Variants in MYT1 observed in about 807,000 individuals in gnomAD.
MYT1 encodes the protein myelin transcription factor I.
MYT1 carries 23 observed loss-of-function variants against 123.0 expected under a neutral mutation model. That is an observed-to-expected ratio of 0.19 (90% confidence interval 0.13 to 0.26). The LOEUF (loss-of-function observed/expected upper bound fraction) is 0.26, where lower values mean the gene tolerates loss of function less well. MYT1 is among the 10% of genes least tolerant of loss of function. MYT1 has a pLI of 1.00. For synonymous variants in MYT1, 518 were observed against 575.3 expected (o/e 0.90, Z 1.43); for missense variants, 1,125 against 1,472.5 (o/e 0.76, Z 3.86).
chr20:64,170,630 C>T (rs1247857304), intron 1 of MYT1, among the ~76,000 whole-genome samples: 1 of 151,738 alleles, frequency 6.6e-6, no homozygotes, highest in East Asian at 1.9e-4. Context: ...TATTACTGCA[C>T]ATTAAAGAGG....
intron 14 of MYT1, among the ~76,000 whole-genome samples, chr20:64,222,282 TC>T (rs1418027567): frequency 6.6e-6 from 1 of 152,096 alleles, no homozygotes; most frequent in East Asian, 1.9e-4. Flanking sequence ...AACAAAGAAA[TC>T]CCCTGGCCAA....
intron 7 of MYT1, 65 bp from the exon 8 acceptor site, chr20:64,211,141 C>T (rs1184042389): frequency 5.1e-6 from 8 of 1,553,532 alleles, no homozygotes; most frequent in Non-Finnish European, 7.0e-6. Context: ...CCTGAGCTAC[C>T]CCTGCCCCCT....
rs1471747739 is a variant in MYT1 at position 64,211,296 on chromosome 20, G to A, written c.1382G>A (p.Arg461His). 2 of 1,613,920 alleles carry A rather than the reference G, an allele frequency of 1.2e-6. No homozygotes were observed. The highest frequency in any genetic ancestry group is 2.2e-5 in the East Asian group (1 of 44,884). ...GHVTGLYPHHRSLSGCPHKDR... is the reference protein window; with the variant it reads ...GHVTGLYPHHHSLSGCPHKDR... ...GTTACCGGGTTGTACCCTCACCACC[G>A]CAGCCTTTCTGGCTGTCCCCACAAG... Residue 461 changes from arginine to histidine, a missense_variant, in exon 8 of 23, where the codon CGC (arginine) becomes CAC (histidine). Around this residue, in one of 4 missense-constraint regions of MYT1, gnomAD observed 429 missense variants for 604.1 expected, o/e 0.71. Transcript: ENST00000328439.
Position 64,193,274 on chromosome 20 carries a change from T to C in MYT1, c.-1+3114T>C, listed in dbSNP as rs1983016060. Among the ~76,000 whole-genome samples, 3 of 152,104 alleles carry C rather than the reference T, an allele frequency of 2.0e-5. No individual in the cohort carries two copies. In the South Asian group the frequency reaches 6.2e-4, roughly 32 times the overall value. On this transcript the variant is annotated intron_variant, in intron 2 of 22. Transcript: ENST00000328439. This position sits in a 1 kb window ranked among gnomAD's most constrained non-coding sequence, Gnocchi z 4.0. ...TCAAGAGAGTGGAAAGCAGGATGTG[T>C]GCTGAGGTCACCGACTTTCTATATC...
intron 11 of MYT1, 149 bp downstream of exon 11, chr20:64,217,430 T>A (rs1983872514): frequency 1.2e-6 from 1 of 846,786 alleles, no homozygotes; most frequent in Non-Finnish European, 1.9e-6. Flanking sequence ...AGGCTGGAGG[T>A]CTCAGCTGTC....
chr20:64,236,097 C>G (rs377182982), intron 19 of MYT1, among the ~76,000 whole-genome samples: 2 of 39,226 alleles, frequency 5.1e-5, no homozygotes, highest in Non-Finnish European at 9.1e-5. Flanking sequence ...CTGGGATGGC[C>G]GTGGTGGGTG....
rs1418972832 is a variant in MYT1 at position 64,193,432 on chromosome 20, A to G, written c.-1+3272A>G. 6.6e-6 allele frequency among the ~76,000 whole-genome samples: 1 copy of G among 152,134 alleles called. No individual in the cohort carries two copies. The highest frequency in any genetic ancestry group is 1.5e-5 in the Non-Finnish European group (1 of 68,022). On this transcript the variant is annotated intron_variant, in intron 2 of 22. Transcript: ENST00000328439. The surrounding 1 kb of genome is among the most constrained non-coding windows in gnomAD (Gnocchi z 4.0). ...ACAAATGCTTGAATGCTGCTCTTAG[A>G]TCGTTGAGTGGGAGCTTGGATCTTC... is the stretch of plus-strand genomic sequence containing the variant.
At chr20:64,220,390 G>T (rs1218476473) in intron 13 of MYT1, among the ~76,000 whole-genome samples, 1 of 152,214 alleles carries the variant, frequency 6.6e-6, no homozygotes, top group Admixed American at 6.5e-5. Flanking sequence ...CCTGCTGTCC[G>T]GGTAGGGGCA....
At chr20:64,240,001 TC>T in intron 22 of MYT1, 98 bp downstream of exon 22, 1 of 1,518,684 alleles carries the variant, frequency 6.6e-7, no homozygotes, top group East Asian at 2.3e-5. Flanking sequence ...TGCCTCTGGG[TC>T]CTGCCCTAGG....
At chr20:64,216,760 G>GA (rs1983850024) in intron 10 of MYT1, among the ~76,000 whole-genome samples, 1 of 152,218 alleles carries the variant, frequency 6.6e-6, no homozygotes, top group African/African-American at 2.4e-5. Flanking sequence ...CCTAAGTTCT[G>GA]GGGAAAATCT....
rs2983455 is a variant in MYT1 at position 64,202,468 on chromosome 20, T to A, written c.86+2546T>A. ...TAGCATCTTTGAGACAGCGAGGCGC[T>A]GACAACACCGAGTTCAGGACCATCT... On this transcript the variant is annotated intron_variant, in intron 4 of 22. Transcript: ENST00000328439. This position sits in a 1 kb window ranked among gnomAD's most constrained non-coding sequence, Gnocchi z 5.0. 6.6e-6 allele frequency among the ~76,000 whole-genome samples: 1 copy of A among 151,834 alleles called. No individual in the cohort carries two copies. The highest frequency in any genetic ancestry group is 1.5e-5 in the Non-Finnish European group (1 of 67,944).
At position 64,201,005 on chromosome 20, in the gene MYT1, A is replaced by T. The variant is rs536161329; in HGVS notation, c.86+1083A>T. ...GAAGCGGTGATTGCGACGGCGAGAGATGCTCAGAAGGACCCCGAGTAAAGG... is the reference window on the plus strand; with the variant it reads ...GAAGCGGTGATTGCGACGGCGAGAGTTGCTCAGAAGGACCCCGAGTAAAGG... On this transcript the variant is annotated intron_variant, in intron 4 of 22. Transcript: ENST00000328439. Among the ~76,000 whole-genome samples the T allele has an allele frequency of 5.8e-4, 88 of 152,284 alleles. 1 individual carries two copies. Among genetic ancestry groups the T allele is most frequent in the Non-Finnish European group, 1.2e-3 (79 of 68,030 alleles).
At chr20:64,187,742 C>T (rs1306666962) in intron 1 of MYT1, among the ~76,000 whole-genome samples, 1 of 152,236 alleles carries the variant, frequency 6.6e-6, no homozygotes, top group Non-Finnish European at 1.5e-5. Context: ...TAGTGATAGC[C>T]GTTTGCTGCC....
intron 19 of MYT1, among the ~76,000 whole-genome samples, chr20:64,233,214 TC>T (rs1984382095): frequency 2.8e-5 from 2 of 72,142 alleles, no homozygotes; most frequent in Non-Finnish European, 5.5e-5. Flanking sequence ...CCCCTATCCC[TC>T]CCCCTTTCCT....
At chr20:64,201,946 CT>C (rs1568708096) in intron 4 of MYT1, among the ~76,000 whole-genome samples, 20 of 138,646 alleles carry the variant, frequency 1.4e-4, no homozygotes, top group Non-Finnish European at 1.5e-4. Flanking sequence ...TGTCGGGAAC[CT>C]CTGCGTGTCG....
chr20:64,238,378 T>G (rs919954011), intron 21 of MYT1, among the ~76,000 whole-genome samples: 2 of 152,038 alleles, frequency 1.3e-5, no homozygotes, highest in Non-Finnish European at 2.9e-5. Context: ...ACTCTGCTCT[T>G]GTCTCTACTG....
At chr20:64,173,302 T>A (rs1177320193) in intron 1 of MYT1, among the ~76,000 whole-genome samples, 4 of 152,132 alleles carry the variant, frequency 2.6e-5, no homozygotes, top group Non-Finnish European at 5.9e-5. Context: ...GAGGCAGCAG[T>A]CACAGACAGA....
At position 64,187,313 on chromosome 20, in the gene MYT1, C is replaced by T. The variant is rs1013618613; in HGVS notation, c.-98-2750C>T. Among the ~76,000 whole-genome samples the T allele has an allele frequency of 8.1e-5, 12 of 147,558 alleles. No individual in the cohort carries two copies. In the East Asian group the frequency reaches 1.4e-3, roughly 17 times the overall value. On this transcript the variant is annotated intron_variant, in intron 1 of 22. Transcript: ENST00000328439. ...AGAGTTTTCCTGTAGCACGTGGCTC[C>T]GGCATCCACGTTTCCGTGGAGAGTT...
Position 64,217,271 on chromosome 20 carries a change from A to T in MYT1, c.1836A>T (p.Lys612Asn). The T allele has an allele frequency of 6.2e-7, 1 of 1,614,200 alleles. No individual in the cohort carries two copies. Among genetic ancestry groups the T allele is most frequent in the Non-Finnish European group, 8.5e-7 (1 of 1,180,028 alleles). The change falls in exon 11 of 23, where the codon AAA becomes AAT. Residue 612 changes from lysine to asparagine, a missense_variant. Lys to Asn is a moderately conservative substitution (Grantham distance 94). This residue lies in a region of MYT1 where 429 missense variants were observed against 604.1 expected (regional missense o/e 0.71). Transcript: ENST00000328439. ...PKIQTSETSP[K>N]AFQCFDYSQD... Reference sequence around the variant, plus strand: ...TTCAGACCAGCGAAACCTCACCTAAAGCCTTTCAATGTAAGTTGGGGAGAA... The same window carrying T: ...TTCAGACCAGCGAAACCTCACCTAATGCCTTTCAATGTAAGTTGGGGAGAA...
Sources: gnomAD v4.1 joint callset for allele counts (sites outside exome capture counted in the v4.1 genomes callset) on GRCh38, gnomAD v4.1.1 for gene constraint, gnomAD v4.1.1 regional missense constraint, Gnocchi (gnomAD v3.1) non-coding constraint, MANE v1.5 for transcripts, NCBI Gene and HGNC (gene_info 2026-07-23, HGNC 2026-07-21) for gene names.